Variants in CATSPER2 observed in about 807,000 individuals in gnomAD.
The protein encoded by CATSPER2 is cation channel sperm associated 2, also known as cation channel sperm-associated protein 2.
A neutral mutation model predicts 68.8 loss-of-function variants in CATSPER2; 56 were observed. The observed-to-expected ratio is 0.81, with a 90% CI of 0.66 to 1.02. The LOEUF (loss-of-function observed/expected upper bound fraction) is 1.02, where lower values mean the gene tolerates loss of function less well. CATSPER2 is among the 50% of genes least tolerant of loss of function. The probability of loss-of-function intolerance (pLI) is 0.00; values close to 1 mark genes in which losing one functional copy is unlikely to be tolerated. For missense variants in CATSPER2, 582 were observed against 642.0 expected (o/e 0.91, Z 1.01); for synonymous variants, 198 against 229.9 (o/e 0.86, Z 1.26).
intron 10 of CATSPER2, chr15:43,633,492 AAACC>A: frequency 6.2e-6 from 1 of 161,738 alleles, no homozygotes; most frequent in South Asian, 1.7e-4. Context: ...TTTCTCAAAC[AAACC>A]AAGCATGCTT....
chr15:43,646,980 G>T, intron 4 of CATSPER2, 70 bp downstream of exon 4: 1 of 1,357,640 alleles, frequency 7.4e-7, no homozygotes, highest in Non-Finnish European at 1.1e-6. Flanking sequence ...GCCTCCCAAA[G>T]TGCTAGGATT....
chr15:43,646,156 G>T (rs1168493207), intron 4 of CATSPER2, among the ~76,000 whole-genome samples: 2 of 151,554 alleles, frequency 1.3e-5, no homozygotes, highest in Non-Finnish European at 2.9e-5. Context: ...AGGCTAAACT[G>T]ACAACAGAAA....
At chr15:43,646,700 C>A (rs1308720620) in intron 4 of CATSPER2, among the ~76,000 whole-genome samples, 1 of 149,154 alleles carries the variant, frequency 6.7e-6, no homozygotes, top group African/African-American at 2.5e-5. Flanking sequence ...CTCCTACCCA[C>A]TTCCTCTTTT....
At chr15:43,634,098 C>T (rs986726877) in intron 10 of CATSPER2, 11 of 152,092 alleles carry the variant, frequency 7.2e-5, no homozygotes, top group African/African-American at 2.4e-4. Context: ...ATATTCACTG[C>T]TTATTATCTC....
At chr15:43,637,719 T>G (rs1021223565) in intron 7 of CATSPER2, 1 of 151,948 alleles carries the variant, frequency 6.6e-6, no homozygotes, top group Non-Finnish European at 1.5e-5. Flanking sequence ...TTTTAGTACA[T>G]GTGCTGCCGA....
chr15:43,632,779 C>A lies in CATSPER2; in HGVS notation c.1334G>T (p.Cys445Phe). 1 of 1,613,688 alleles carries A rather than the reference C, an allele frequency of 6.2e-7. No individual in the cohort carries two copies. The highest frequency in any genetic ancestry group is 8.5e-7 in the Non-Finnish European group (1 of 1,179,820). ...SKKREYQSSS[C>F]VSSTSSSYSS... ...ATAGGAAGAGGATGTGGAGGAGACA[C>A]AGGAGGAAGACTGGTACTCTCTCTT... Residue 445 changes from cysteine to phenylalanine, a missense_variant, in exon 11 of 13, where the codon TGT becomes TTT. Around this residue, in one of 5 missense-constraint regions of CATSPER2, gnomAD observed 235 missense variants for 264.2 expected, o/e 0.89. Transcript: ENST00000396879.
rs751646637 is a variant in CATSPER2, at chr15:43,645,405, C to A, written c.388+1645G>T. 1.0e-3 allele frequency among the ~76,000 whole-genome samples: 154 copies of A among 152,006 alleles called. 4 individuals are homozygous for A. The highest frequency in any genetic ancestry group is 1.6e-3 in the Admixed American group (25 of 15,262). ...TTGGAGCTAGAGGCAGAGTCCTGAA[C>A]TGGCTACAGGCACTGGACATTTCTG... On this transcript the variant is annotated intron_variant, in intron 4 of 12. Coordinates refer to ENST00000396879, the MANE Select transcript of CATSPER2 (RefSeq NM_172095.4).
intron 6 of CATSPER2, chr15:43,639,379 G>A: frequency 2.1e-6 from 1 of 475,324 alleles, no homozygotes; most frequent in Non-Finnish European, 3.7e-6. Context: ...TGAGTAGCTG[G>A]GATTACAGGC....
At chr15:43,638,864 A>G (rs1357308365) in intron 7 of CATSPER2, 40 bp downstream of exon 7, 2 of 1,610,742 alleles carry the variant, frequency 1.2e-6, no homozygotes, top group East Asian at 2.2e-5. Flanking sequence ...CTCTTAGCCA[A>G]ATTTTCTCCC....
At chr15:43,640,522 TA>T in intron 4 of CATSPER2, 26 bp from the exon 5 acceptor site, 1 of 1,612,794 alleles carries the variant, frequency 6.2e-7, no homozygotes, top group East Asian at 2.2e-5. Flanking sequence ...AAAGGAGGAA[TA>T]AAAGTTAAGG....
At chr15:43,644,925 T>A (rs1370988924) in intron 4 of CATSPER2, among the ~76,000 whole-genome samples, 3 of 152,034 alleles carry the variant, frequency 2.0e-5, no homozygotes, top group African/African-American at 7.2e-5. Context: ...AAGGGAATTA[T>A]AAGTAAGTTA....
intron 12 of CATSPER2, chr15:43,631,627 C>T (rs955545427): frequency 4.8e-5 from 13 of 271,134 alleles, no homozygotes; most frequent in Middle Eastern, 4.4e-4. Flanking sequence ...TCCCAGTTTA[C>T]ATCAAACTCT....
chr15:43,645,522 C>G (rs1459955245), intron 4 of CATSPER2, among the ~76,000 whole-genome samples: 1 of 151,830 alleles, frequency 6.6e-6, no homozygotes, highest in East Asian at 1.9e-4. Flanking sequence ...CGTGGTAACT[C>G]ACGCCTGTAA....
intron 7 of CATSPER2, among the ~76,000 whole-genome samples, chr15:43,638,054 A>C (rs1290044453): frequency 6.6e-6 from 1 of 150,788 alleles, no homozygotes; most frequent in Non-Finnish European, 1.5e-5. Context: ...TCCCAAGTTC[A>C]AGTGATTCTC....
chr15:43,644,500 C>T lies in CATSPER2; in HGVS notation c.388+2550G>A, dbSNP rs576011104. The stretch of plus-strand genomic sequence containing the variant: ...TGTCTATTAGATCTAGGGCAGGGGT[C>T]CCAAGCCCCAGGCTACGGACTGGTA... On this transcript the variant is annotated intron_variant, in intron 4 of 12. Coordinates refer to ENST00000396879, the MANE Select transcript of CATSPER2 (RefSeq NM_172095.4). Among the ~76,000 whole-genome samples, 5 of 151,996 alleles carry T rather than the reference C, an allele frequency of 3.3e-5. 1 individual carries two copies. The South Asian group carries it at 1.0e-3, about 32-fold the overall frequency.
At chr15:43,646,953 G>C (rs950912769) in intron 4 of CATSPER2, 97 bp downstream of exon 4, 36 of 1,027,936 alleles carry the variant, frequency 3.5e-5, no homozygotes, top group Non-Finnish European at 5.4e-5. Flanking sequence ...CTGAGCTCCG[G>C]CAATCCACAC....
At chr15:43,639,509 T>G in intron 6 of CATSPER2, 134 bp downstream of exon 6, 10 of 1,324,522 alleles carry the variant, frequency 7.5e-6, no homozygotes, top group Non-Finnish European at 1.0e-5. Context: ...TCATGACCCA[T>G]CCCCCTCGGC....
chr15:43,647,532 G>A (rs1379581975), intron 2 of CATSPER2, 65 bp from the exon 3 acceptor site: 2 of 1,495,616 alleles, frequency 1.3e-6, no homozygotes, highest in East Asian at 4.5e-5. Flanking sequence ...TAGGGTTGGG[G>A]GCAGGGATAC....
At position 43,635,779 on chromosome 15, in the gene CATSPER2, G is replaced by A. The variant is rs372552501; in HGVS notation, c.1069C>T (p.Arg357Cys). The A allele has an allele frequency of 2.9e-5, 46 of 1,613,542 alleles. 1 individual carries two copies. Among genetic ancestry groups the A allele is most frequent in the African/African-American group, 2.8e-4 (21 of 74,924 alleles). Residue 357 changes from arginine to cysteine, a missense_variant, in exon 9 of 13, where the codon CGT becomes TGT. By Grantham distance (180) the Arg-to-Cys change is radical. Transcript: ENST00000396879. ...TCAGCTTTGAGCTGAACCTCCCGAC[G>A]CGCCATCTCCTCATTCAGCTCTTTC... is the stretch of plus-strand genomic sequence containing the variant. Reference protein sequence around the residue: ...IRKELNEEMARREVQLKADMF... With the variant: ...IRKELNEEMACREVQLKADMF...
Sources: gnomAD v4.1 joint callset for allele counts (sites outside exome capture counted in the v4.1 genomes callset) on GRCh38, gnomAD v4.1.1 for gene constraint, gnomAD v4.1.1 regional missense constraint, MANE v1.5 for transcripts, NCBI Gene and HGNC (gene_info 2026-07-23, HGNC 2026-07-21) for gene names.